SLCO1A2: variants seen among roughly 807,000 people sequenced by gnomAD.
SLCO1A2 encodes the protein solute carrier organic anion transporter family member 1A2.
A neutral mutation model predicts 69.0 loss-of-function variants in SLCO1A2; 67 were observed. The ratio of observed to expected loss-of-function variants is 0.97; its 90% confidence interval spans 0.80 to 1.19. The LOEUF is 1.19. SLCO1A2 is among the 50% of genes most tolerant of loss of function. SLCO1A2 has a pLI of 0.00. For missense variants in SLCO1A2, 787 were observed against 793.7 expected (o/e 0.99, Z 0.10); for synonymous variants, 260 against 265.9 (o/e 0.98, Z 0.22).
chr12:21,337,311 A>G (rs1952925097), upstream of SLCO1A2, among the ~76,000 whole-genome samples: 1 of 152,068 alleles, frequency 6.6e-6, no homozygotes. Context: ...ACAATAATAC[A>G]AAGTTTTATG....
intron 2 of SLCO1A2, among the ~76,000 whole-genome samples, chr12:21,327,910 T>C (rs1952357449): frequency 6.6e-6 from 1 of 152,144 alleles, no homozygotes; most frequent in Admixed American, 6.5e-5. Context: ...AATTATATGG[T>C]TGGGCTGTGT....
chr12:21,394,413 T>A (rs563154394), intron 1 of SLCO1A2, among the ~76,000 whole-genome samples: 60 of 145,930 alleles, frequency 4.1e-4, no homozygotes, highest in African/African-American at 1.5e-3. Flanking sequence ...TGGTAGTGCA[T>A]GCCTGTAGTC....
At chr12:21,316,315 T>C (rs1950854867) in intron 3 of SLCO1A2, among the ~76,000 whole-genome samples, 1 of 152,172 alleles carries the variant, frequency 6.6e-6, no homozygotes, top group African/African-American at 2.4e-5. Flanking sequence ...GACTTTAGCC[T>C]ACACATATTC....
At chr12:21,373,166 A>G (rs1321035100) in intron 2 of SLCO1A2, among the ~76,000 whole-genome samples, 3 of 152,222 alleles carry the variant, frequency 2.0e-5, no homozygotes, top group African/African-American at 7.2e-5. Context: ...AAAAATCTCG[A>G]AATTACTTGA....
intron 1 of SLCO1A2, among the ~76,000 whole-genome samples, chr12:21,383,941 A>C (rs900067246): frequency 1.6e-4 from 24 of 146,428 alleles, no homozygotes; most frequent in Non-Finnish European, 2.2e-4. Context: ...ATGAAAAAAC[A>C]AATTATTTTA....
At chr12:21,414,133 C>T (rs546267384) in intron 1 of SLCO1A2, among the ~76,000 whole-genome samples, 2 of 152,236 alleles carry the variant, frequency 1.3e-5, no homozygotes, top group East Asian at 3.9e-4. Context: ...CAACCTTCCC[C>T]CTGTATCCAG....
intron 1 of SLCO1A2, among the ~76,000 whole-genome samples, chr12:21,401,872 AT>A (rs547538886): frequency 9.7e-4 from 147 of 151,788 alleles, no homozygotes; most frequent in African/African-American, 3.3e-3. Flanking sequence ...AAAATGTATT[AT>A]ATGATAAACA....
At chr12:21,304,298 A>T in intron 6 of SLCO1A2, 129 bp downstream of exon 6, 1 of 693,926 alleles carries the variant, frequency 1.4e-6, no homozygotes, top group Non-Finnish European at 2.4e-6. Context: ...ACTTTTATGG[A>T]AGGCCAACTG....
chr12:21,357,408 AC>A (rs1345889116), intron 2 of SLCO1A2, among the ~76,000 whole-genome samples: 1 of 152,208 alleles, frequency 6.6e-6, no homozygotes, highest in Non-Finnish European at 1.5e-5. Flanking sequence ...GAGGCATGGA[AC>A]AGCCCTCAGA....
chr12:21,347,939 T>C (rs1437885596), intron 2 of SLCO1A2, among the ~76,000 whole-genome samples: 1 of 152,224 alleles, frequency 6.6e-6, no homozygotes, highest in Non-Finnish European at 1.5e-5. Context: ...CTTTAATTCT[T>C]CATCTCATTA....
At chr12:21,355,901 A>G (rs1938326580) in intron 2 of SLCO1A2, among the ~76,000 whole-genome samples, 1 of 152,196 alleles carries the variant, frequency 6.6e-6, no homozygotes, top group African/African-American at 2.4e-5. Context: ...AATGGCCAAG[A>G]AGTATTTAGA....
chr12:21,366,299 A>C (rs763942928), intron 2 of SLCO1A2, among the ~76,000 whole-genome samples: 22 of 151,920 alleles, frequency 1.4e-4, no homozygotes, highest in Non-Finnish European at 3.1e-4. Context: ...TATCACAAGG[A>C]CAAAAAACCA....
chr12:21,415,205 CTTTAT>C (rs1277659433), intron 1 of SLCO1A2, among the ~76,000 whole-genome samples: 3 of 151,844 alleles, frequency 2.0e-5, no homozygotes, highest in African/African-American at 7.3e-5. Context: ...TTCTTTCTTA[CTTTAT>C]TTTAAAATTT....
chr12:21,291,995 G>A (rs1222940278), intron 12 of SLCO1A2, among the ~76,000 whole-genome samples, 169 bp downstream of exon 12: 2 of 152,090 alleles, frequency 1.3e-5, no homozygotes, highest in Non-Finnish European at 2.9e-5. Flanking sequence ...CATGTGCATT[G>A]CTAACTTTAA....
intron 4 of SLCO1A2, 63 bp downstream of exon 4, chr12:21,314,486 G>C (rs888114336): frequency 1.9e-6 from 3 of 1,575,810 alleles, no homozygotes; most frequent in Non-Finnish European, 2.6e-6. Flanking sequence ...AGAGAGGAAA[G>C]TGCAACTTCA....
chr12:21,304,187 C>A (rs1212144573), intron 6 of SLCO1A2, among the ~76,000 whole-genome samples: 1 of 152,080 alleles, frequency 6.6e-6, no homozygotes, highest in East Asian at 1.9e-4. Context: ...GAAAGGGTCA[C>A]CTCCAGGGGC....
chr12:21,414,133 CCT>C (rs1347978110), intron 1 of SLCO1A2, among the ~76,000 whole-genome samples: 1 of 152,118 alleles, frequency 6.6e-6, no homozygotes, highest in Non-Finnish European at 1.5e-5. Flanking sequence ...CAACCTTCCC[CCT>C]GTATCCAGCA....
At chr12:21,394,209 C>G (rs1050903836) in intron 1 of SLCO1A2, among the ~76,000 whole-genome samples, 3 of 152,136 alleles carry the variant, frequency 2.0e-5, no homozygotes, top group Non-Finnish European at 4.4e-5. Flanking sequence ...TCTTTCTTCC[C>G]ATTCTGGTCA....
chr12:21,292,041 C>G, intron 12 of SLCO1A2, 123 bp downstream of exon 12: 1 of 591,898 alleles, frequency 1.7e-6, no homozygotes, highest in East Asian at 2.9e-5. Flanking sequence ...AATACAAAAC[C>G]CTTAATAAAT....
Sources: gnomAD v4.1 joint callset for allele counts (sites outside exome capture counted in the v4.1 genomes callset) on GRCh38, gnomAD v4.1.1 for gene constraint, MANE v1.5 for transcripts, NCBI Gene and HGNC (gene_info 2026-07-23, HGNC 2026-07-21) for gene names.